Variants in ADCY2 observed in about 807,000 individuals in gnomAD.
ADCY2 encodes adenylate cyclase type 2.
Under a neutral mutation model 125.2 loss-of-function variants are expected in ADCY2, and 31 were observed. The observed-to-expected ratio is 0.25, with a 90% CI of 0.19 to 0.33. The LOEUF is 0.33. Ranked by LOEUF, ADCY2 falls within the 10% of genes least tolerant of loss-of-function variation. The pLI is 1.00. For synonymous variants in ADCY2, 512 were observed against 548.4 expected (o/e 0.93, Z 0.93); for missense variants, 904 against 1,418.2 (o/e 0.64, Z 5.82).
chr5:7,537,073 CACTG>C (rs1281705917), intron 3 of ADCY2, among the ~76,000 whole-genome samples: 3 of 152,166 alleles, frequency 2.0e-5, no homozygotes, highest in East Asian at 1.9e-4. Flanking sequence ...TTAAAAGTCT[CACTG>C]ACTGTGTAGA....
intron 2 of ADCY2, among the ~76,000 whole-genome samples, chr5:7,445,999 C>A (rs1579451102): frequency 6.6e-6 from 1 of 152,130 alleles, no homozygotes; most frequent in Non-Finnish European, 1.5e-5. Context: ...TCGTCTAATA[C>A]ATCCATTACC....
At chr5:7,495,399 A>G (rs2126494752) in intron 2 of ADCY2, among the ~76,000 whole-genome samples, 1 of 152,356 alleles carries the variant, frequency 6.6e-6, no homozygotes, top group African/African-American at 2.4e-5. Context: ...CTCTTAAGAT[A>G]GGATAAATTA....
chr5:7,726,359 C>G (rs1741931353), intron 13 of ADCY2, among the ~76,000 whole-genome samples: 1 of 152,110 alleles, frequency 6.6e-6, no homozygotes, highest in South Asian at 2.1e-4. Flanking sequence ...TTTCTTCATC[C>G]AAAAATAGGG....
chr5:7,485,038 T>A (rs1462621452), intron 2 of ADCY2, among the ~76,000 whole-genome samples: 2 of 152,178 alleles, frequency 1.3e-5, no homozygotes, highest in Non-Finnish European at 2.9e-5. Flanking sequence ...GGTCACAGAA[T>A]GAGCCCATTC....
intron 14 of ADCY2, among the ~76,000 whole-genome samples, chr5:7,737,077 T>C (rs1742271604): frequency 6.6e-6 from 1 of 152,118 alleles, no homozygotes. Flanking sequence ...CTTCCCTAGG[T>C]TTCTACCTAA....
intron 4 of ADCY2, among the ~76,000 whole-genome samples, chr5:7,675,936 C>T (rs59715591): frequency 0.021 from 3,176 of 152,160 alleles, 104 homozygotes; most frequent in African/African-American, 0.07. Flanking sequence ...ATAGTTTTCC[C>T]GATAAAGAAC....
In ADCY2 at chr5:7,695,268, CT is replaced by C. The variant is rs931929741; in HGVS notation, c.870-483del. ...GGCCTCCTCACTGTCCAATCTGCCC[CT>C]ACTCTTCTCTGTCATAACACTGTCT... On this transcript the variant is annotated intron_variant, in intron 5 of 24. Transcript: ENST00000338316. 6.6e-4 allele frequency among the ~76,000 whole-genome samples: 100 copies of C among 152,310 alleles called. 1 individual carries two copies. Among genetic ancestry groups the C allele is most frequent in the African/African-American group, 1.6e-3 (66 of 41,572 alleles).
intron 3 of ADCY2, among the ~76,000 whole-genome samples, chr5:7,621,345 AT>A (rs1423142258): frequency 6.6e-6 from 1 of 152,232 alleles, no homozygotes; most frequent in Admixed American, 6.5e-5. Flanking sequence ...ACTTTACAGC[AT>A]AAACACAAAT....
At chr5:7,801,144 A>T (rs1744582102) in intron 20 of ADCY2, 1 of 152,136 alleles carries the variant, frequency 6.6e-6, no homozygotes, top group Non-Finnish European at 1.5e-5. Flanking sequence ...CTCCCTGGGG[A>T]AAGAACAGTT....
chr5:7,695,606 T>C, intron 5 of ADCY2, 146 bp from the exon 6 acceptor site: 1 of 438,906 alleles, frequency 2.3e-6, no homozygotes, highest in East Asian at 3.9e-5. Flanking sequence ...TGTTTATATA[T>C]TCTTAATCTG....
At chr5:7,591,946 G>A (rs1372389866) in intron 3 of ADCY2, among the ~76,000 whole-genome samples, 4 of 152,094 alleles carry the variant, frequency 2.6e-5, no homozygotes, top group Admixed American at 1.3e-4. Flanking sequence ...CTTATCCATA[G>A]CATTGTTTTC....
At chr5:7,698,787 T>C (rs1740978267) in intron 7 of ADCY2, among the ~76,000 whole-genome samples, 1 of 152,220 alleles carries the variant, frequency 6.6e-6, no homozygotes, top group Admixed American at 6.5e-5. Context: ...CAGTCTATCG[T>C]TGGTGGACTT....
intron 1 of ADCY2, among the ~76,000 whole-genome samples, chr5:7,410,328 C>CA (rs570925722): frequency 0.057 from 7,641 of 134,936 alleles, 232 homozygotes; most frequent in South Asian, 0.11. Flanking sequence ...TAGTACTGTT[C>CA]AAAAAAAAAA....
chr5:7,687,452 G>C (rs1034707779), intron 4 of ADCY2, among the ~76,000 whole-genome samples: 1 of 152,170 alleles, frequency 6.6e-6, no homozygotes, highest in East Asian at 1.9e-4. Flanking sequence ...ACAAGGGTCT[G>C]GTTACAGTAA....
At chr5:7,534,785 C>T (rs1025618732) in intron 3 of ADCY2, among the ~76,000 whole-genome samples, 1 of 152,142 alleles carries the variant, frequency 6.6e-6, no homozygotes, top group Non-Finnish European at 1.5e-5. Flanking sequence ...TGTCAGTGTC[C>T]CTGGACTTAA....
At chr5:7,629,187 C>T (rs1429661535) in intron 4 of ADCY2, among the ~76,000 whole-genome samples, 3 of 152,208 alleles carry the variant, frequency 2.0e-5, no homozygotes, top group Admixed American at 6.5e-5. Context: ...AGAGCTGGTG[C>T]TCCCAGAGGT....
intron 3 of ADCY2, among the ~76,000 whole-genome samples, chr5:7,583,673 A>G (rs1425982549): frequency 1.3e-5 from 2 of 152,112 alleles, no homozygotes. Context: ...GCAAAATGGT[A>G]TAGCCATTTG....
At chr5:7,516,457 T>C (rs925680076) in intron 2 of ADCY2, among the ~76,000 whole-genome samples, 1 of 152,162 alleles carries the variant, frequency 6.6e-6, no homozygotes, top group Non-Finnish European at 1.5e-5. Flanking sequence ...ACCACTCACA[T>C]GAACACAGGT....
At chr5:7,528,826 T>C (rs2126542938) in intron 3 of ADCY2, among the ~76,000 whole-genome samples, 1 of 152,280 alleles carries the variant, frequency 6.6e-6, no homozygotes, top group African/African-American at 2.4e-5. Flanking sequence ...TCATTCCAAA[T>C]GTTTGTTTTT....
Sources: gnomAD v4.1 joint callset for allele counts (sites outside exome capture counted in the v4.1 genomes callset) on GRCh38, gnomAD v4.1.1 for gene constraint, MANE v1.5 for transcripts, NCBI Gene and HGNC (gene_info 2026-07-23, HGNC 2026-07-21) for gene names.